Variants in EHMT1 observed in about 807,000 individuals in gnomAD.
EHMT1 encodes euchromatic histone lysine methyltransferase 1.
In EHMT1, 15 loss-of-function variants were observed where a neutral mutation model predicts 147.2. The ratio of observed to expected loss-of-function variants is 0.10; its 90% CI spans 0.07 to 0.16. The LOEUF is 0.16. EHMT1 is among the 10% of genes least tolerant of loss of function. The pLI is 1.00. For missense variants in EHMT1, 1,587 were observed against 1,772.4 expected, an observed-to-expected ratio of 0.90 and a Z score of 1.88; for synonymous variants, 795 against 709.6, an observed-to-expected ratio of 1.12 and a Z score of -1.91.
At chr9:137,794,626 G>A (rs1234235522) in intron 16 of EHMT1, among the ~76,000 whole-genome samples, 1 of 146,368 alleles carries the variant, frequency 6.8e-6, no homozygotes, top group Admixed American at 7.0e-5. Context: ...TAGCCCGGGC[G>A]ACAGAGTGAG....
chr9:137,834,505 G>C lies in EHMT1; in HGVS notation c.3697G>C (p.Glu1233Gln). ...RIAFFSTRLI[E>Q]AGEQLGFDYG... ...CGCCTTCTTCAGCACCCGCCTGATC[G>C]AGGCCGGCGAGCAGCTCGGGTACGC... The change falls in exon 26 of 27, where the codon GAG becomes CAG. Residue 1233 changes from glutamate to glutamine, a missense_variant. Glu to Gln is a conservative substitution (Grantham distance 29). Transcript: ENST00000460843. 2 of 1,611,428 alleles carry C rather than the reference G, an allele frequency of 1.2e-6. No individual in the cohort carries two copies. The highest frequency in any genetic ancestry group is 1.7e-6 in the Non-Finnish European group (2 of 1,179,728).
At position 137,716,781 on chromosome 9, in the gene EHMT1, C is replaced by G. The variant is rs1237489848; in HGVS notation, c.241C>G (p.Pro81Ala). 6.2e-7 allele frequency: 1 copy of G among 1,612,938 alleles called. No homozygotes were observed. The highest frequency in any genetic ancestry group is 8.5e-7 in the Non-Finnish European group (1 of 1,179,842). ...CACTCAGGACAGCGCAAGGGTCAAC[C>G]CCCAGGATGGCACCAACACACTAAC... ...KHTQDSARVN[P>A]QDGTNTLTRI... Residue 81 changes from proline (P) to alanine (A), a missense_variant, in exon 3 of 27, where the codon CCC (proline) becomes GCC (alanine). This residue lies in a region of EHMT1 where 810 missense variants were observed against 673.0 expected (regional missense o/e 1.20). Coordinates refer to ENST00000460843, the MANE Select transcript of EHMT1 (RefSeq NM_024757.5).
intron 6 of EHMT1, chr9:137,746,193 C>G (rs555674077): frequency 6.6e-6 from 1 of 152,380 alleles, no homozygotes; most frequent in African/African-American, 2.4e-5. Context: ...ACGCTCAGTG[C>G]AACCTTGAAC....
At chr9:137,641,222 T>C (rs1016626321) in intron 1 of EHMT1, 15 of 420,786 alleles carry the variant, frequency 3.6e-5, no homozygotes, top group Non-Finnish European at 7.1e-5. Flanking sequence ...AGGATGCCTC[T>C]TCCTACTGGC....
intron 1 of EHMT1, among the ~76,000 whole-genome samples, chr9:137,647,746 C>T (rs535633092): frequency 6.6e-6 from 1 of 152,120 alleles, no homozygotes; most frequent in African/African-American, 2.4e-5. Context: ...ACGCGTGCGC[C>T]ACCATGCCCA....
intron 25 of EHMT1, among the ~76,000 whole-genome samples, chr9:137,821,518 G>C (rs898082394): frequency 2.6e-5 from 4 of 151,906 alleles, no homozygotes; most frequent in African/African-American, 9.7e-5. Flanking sequence ...TTTTTATAGA[G>C]ATGGAATCTC....
At position 137,776,567 on chromosome 9, in the gene EHMT1, A is replaced by C. The variant is rs1194898845; in HGVS notation, c.1792-51A>C. On this transcript the variant is annotated intron_variant, in intron 11 of 26. Transcript: ENST00000460843. The surrounding 1 kb of genome is among the most constrained non-coding windows in gnomAD (Gnocchi z 4.4). ...AGTTTAGTAGTACTTTATTTTTCTA[A>C]ATATTAACCCCAATTAAAACAAAAA... 6 of 1,589,592 alleles carry C rather than the reference A, an allele frequency of 3.8e-6. No individual in the cohort carries two copies. The highest frequency in any genetic ancestry group is 5.2e-6 in the Non-Finnish European group (6 of 1,159,764).
At chr9:137,647,744 G>A (rs961077513) in intron 1 of EHMT1, among the ~76,000 whole-genome samples, 2 of 151,880 alleles carry the variant, frequency 1.3e-5, no homozygotes, top group Admixed American at 6.6e-5. Context: ...ACACGCGTGC[G>A]CCACCATGCC....
At chr9:137,645,806 T>A (rs1261672132) in intron 1 of EHMT1, among the ~76,000 whole-genome samples, 1 of 152,120 alleles carries the variant, frequency 6.6e-6, no homozygotes, top group Non-Finnish European at 1.5e-5. Context: ...CATATCGAAC[T>A]GAGATGTGCT....
At chr9:137,790,706 C>T in intron 15 of EHMT1, 142 bp from the exon 16 acceptor site, 4 of 1,096,764 alleles carry the variant, frequency 3.6e-6, no homozygotes, top group South Asian at 1.3e-5. Context: ...TCTTTGAATA[C>T]GTGTTTAGAA....
At chr9:137,742,574 T>C (rs1948196288) in intron 4 of EHMT1, among the ~76,000 whole-genome samples, 1 of 152,066 alleles carries the variant, frequency 6.6e-6, no homozygotes, top group Admixed American at 6.6e-5. Context: ...GGAGTCTGAT[T>C]ATATAAAACC....
At chr9:137,769,418 G>A (rs990584475) in intron 10 of EHMT1, among the ~76,000 whole-genome samples, 36 of 152,140 alleles carry the variant, frequency 2.4e-4, no homozygotes, top group African/African-American at 8.7e-4. Context: ...GGTAGCACAA[G>A]GCTGCTGATA....
chr9:137,646,496 T>A, intron 1 of EHMT1: 6 of 964,610 alleles, frequency 6.2e-6, no homozygotes, highest in African/African-American at 1.8e-5. Flanking sequence ...AGAGAGGAGC[T>A]AGTCAGCAGG....
chr9:137,794,914 T>A (rs1342827346), intron 16 of EHMT1, among the ~76,000 whole-genome samples: 1 of 152,164 alleles, frequency 6.6e-6, no homozygotes, highest in Non-Finnish European at 1.5e-5. Context: ...GGAGGAAAAC[T>A]TAGCGCGTTG....
chr9:137,811,881 C>T (rs911470991), intron 19 of EHMT1, among the ~76,000 whole-genome samples: 1 of 152,224 alleles, frequency 6.6e-6, no homozygotes, highest in African/African-American at 2.4e-5. Flanking sequence ...TGATACTCCT[C>T]ACATGGCTGA....
At chr9:137,712,800 C>T (rs10780185) in intron 2 of EHMT1, among the ~76,000 whole-genome samples, 56,522 of 151,866 alleles carry the variant, frequency 0.37, 10,851 homozygotes, top group Admixed American at 0.48. Flanking sequence ...CTGTTTTTTT[C>T]CTCCTTTTAG....
chr9:137,676,847 T>C (rs1941395730), intron 1 of EHMT1, among the ~76,000 whole-genome samples: 1 of 152,012 alleles, frequency 6.6e-6, no homozygotes, highest in Admixed American at 6.5e-5. Flanking sequence ...ATCTGTGAGA[T>C]GGGGGTCCTG....
At chr9:137,803,163 G>A in intron 18 of EHMT1, 1 of 1,223,576 alleles carries the variant, frequency 8.2e-7, no homozygotes, top group Non-Finnish European at 1.0e-6. Flanking sequence ...CCCCAGAATG[G>A]AAGCATTGAT....
At position 137,717,171 on chromosome 9, in the gene EHMT1, G is replaced by T; in HGVS notation, c.631G>T (p.Val211Phe). The T allele has an allele frequency of 1.2e-6, 2 of 1,612,100 alleles. No individual in the cohort carries two copies. Among genetic ancestry groups the T allele is most frequent in the Non-Finnish European group, 1.7e-6 (2 of 1,179,992 alleles). ...HRARKTMPKS[V>F]VGLHAASKDP... is the part of the protein sequence containing the mutation. ...GGCACGCAAGACCATGCCGAAGTCC[G>T]TCGTGGGCCTGGTAATTTTGTGTCT... Residue 211 changes from valine to phenylalanine, a missense_variant, in exon 3 of 27, where the codon GTC becomes TTC. Physicochemically the swap from Val to Phe is conservative, Grantham distance 50. Transcript: ENST00000460843.
Sources: allele counts gnomAD v4.1 joint callset (sites outside exome capture counted in the v4.1 genomes callset), GRCh38; gene constraint gnomAD v4.1.1; regional missense constraint gnomAD v4.1.1; non-coding constraint Gnocchi (gnomAD v3.1); transcripts MANE v1.5; gene names NCBI Gene and HGNC (gene_info 2026-07-23, HGNC 2026-07-21).